The following OSBPL2 variants were observed in gnomAD, a reference collection of about 807,000 sequenced individuals.
OSBPL2 encodes oxysterol binding protein like 2.
In OSBPL2, 18 loss-of-function variants were observed where a neutral mutation model predicts 58.4. The ratio of observed to expected loss-of-function variants is 0.31; its 90% CI spans 0.21 to 0.46. The LOEUF (loss-of-function observed/expected upper bound fraction) is 0.46, where lower values mean the gene tolerates loss of function less well. OSBPL2 is among the 20% of genes least tolerant of loss of function. OSBPL2 has a pLI of 1.00. For synonymous variants in OSBPL2, 221 were observed against 234.1 expected (o/e 0.94, Z 0.51); for missense variants, 461 against 616.5 (o/e 0.75, Z 2.67).
intron 12 of OSBPL2, among the ~76,000 whole-genome samples, chr20:62,290,568 T>C (rs1983438719): frequency 6.8e-6 from 1 of 147,778 alleles, no homozygotes; most frequent in South Asian, 2.2e-4. Context: ...CAGGTGCCCC[T>C]GCCACCACGC....
chr20:62,282,155 C>T (rs1982836897), intron 9 of OSBPL2: 2 of 270,724 alleles, frequency 7.4e-6, no homozygotes, highest in African/African-American at 2.2e-5. Context: ...GAGAAGTCAG[C>T]TATTTCCACT....
chr20:62,263,791 C>G (rs376395418), intron 4 of OSBPL2, 100 bp downstream of exon 4: 3 of 1,074,024 alleles, frequency 2.8e-6, no homozygotes, highest in Non-Finnish European at 4.3e-6. Context: ...CTTGGCCGGG[C>G]GCGGTGGCTC....
chr20:62,280,738 C>T (rs1184413314), intron 7 of OSBPL2, among the ~76,000 whole-genome samples: 2 of 152,208 alleles, frequency 1.3e-5, no homozygotes, highest in South Asian at 2.1e-4. Flanking sequence ...GCATTACTGC[C>T]GTGTGTGTTT....
At chr20:62,280,001 C>T (rs983170282) in intron 7 of OSBPL2, 1 of 1,303,986 alleles carries the variant, frequency 7.7e-7, no homozygotes, top group African/African-American at 1.5e-5. Context: ...AAATGCTCCC[C>T]AATCCAGTGT....
At chr20:62,275,806 G>A (rs1982352991) in intron 6 of OSBPL2, among the ~76,000 whole-genome samples, 1 of 152,120 alleles carries the variant, frequency 6.6e-6, no homozygotes, top group South Asian at 2.1e-4. Context: ...ATGGTGTGCA[G>A]TGCAATGAAT....
At chr20:62,260,991 AAAAAT>A (rs1601165971) in intron 3 of OSBPL2, among the ~76,000 whole-genome samples, 1 of 151,608 alleles carries the variant, frequency 6.6e-6, no homozygotes, top group East Asian at 1.9e-4. Flanking sequence ...CCCTGGCTCA[AAAAAT>A]AAAGGGAAGA....
At chr20:62,247,883 T>A (rs1980240512) in intron 1 of OSBPL2, among the ~76,000 whole-genome samples, 1 of 151,926 alleles carries the variant, frequency 6.6e-6, no homozygotes, top group South Asian at 2.1e-4. Context: ...CAGGCTGGTC[T>A]CGAACTCCTG....
At position 62,259,961 on chromosome 20, in the gene OSBPL2, C is replaced by G; in HGVS notation, c.38-20C>G. The stretch of plus-strand genomic sequence containing the variant: ...ATCTTTCAGGTCCAGCGAAAATGAC[C>G]ATTTTCTTGTCTCGCACAGGCTTTG... On this transcript the variant is annotated intron_variant, in intron 2 of 13. Transcript: ENST00000313733. 1 of 1,604,084 alleles carries G rather than the reference C, an allele frequency of 6.2e-7. No homozygotes were observed. The highest frequency in any genetic ancestry group is 8.5e-7 in the Non-Finnish European group (1 of 1,176,526).
intron 1 of OSBPL2, among the ~76,000 whole-genome samples, chr20:62,245,294 A>C (rs1481601172): frequency 6.6e-6 from 1 of 152,050 alleles, no homozygotes; most frequent in Non-Finnish European, 1.5e-5. Flanking sequence ...GGGTTTTGCC[A>C]TGTTGCCCAG....
chr20:62,255,643 A>G (rs2145926869), intron 1 of OSBPL2, among the ~76,000 whole-genome samples: 1 of 152,284 alleles, frequency 6.6e-6, no homozygotes, highest in African/African-American at 2.4e-5. Context: ...AGCTGGGACT[A>G]TAGGCGTGCG....
rs1039284282 is a variant in OSBPL2 at position 62,294,609 on chromosome 20, C to T, written c.*722C>T. On this transcript the variant is annotated 3_prime_UTR_variant, in exon 14 of 14. Transcript: ENST00000313733. ...GTGGGCAGAAGCATCGAGAGCGTGA[C>T]AGGAAATCCCAAGACTGCTTCCGCC... is the stretch of plus-strand genomic sequence containing the variant. 1 of 152,474 alleles carries T rather than the reference C, an allele frequency of 6.6e-6. No individual in the cohort carries two copies. The highest frequency in any genetic ancestry group is 1.5e-5 in the Non-Finnish European group (1 of 68,088). The allele number at this position is 152,474 out of a possible 1,614,324, so 9.4% of individuals were successfully genotyped here.
Position 62,279,351 on chromosome 20 carries a change from T to C in OSBPL2, c.674+12T>C, listed in dbSNP as rs776927843. ...CTGGAGCTGCTCAAGTGAGTGTCGG[T>C]GCGTCCTGCTGAGATCCGCTTCCTG... is the stretch of plus-strand genomic sequence containing the variant. On this transcript the variant is annotated intron_variant, in intron 7 of 13. Coordinates refer to ENST00000313733, the MANE Select transcript of OSBPL2 (RefSeq NM_144498.4). 5.6e-6 allele frequency: 9 copies of C among 1,612,188 alleles called. No homozygotes were observed. In the South Asian group the frequency reaches 9.9e-5, roughly 18 times the overall value.
intron 2 of OSBPL2, among the ~76,000 whole-genome samples, chr20:62,258,532 C>T (rs1042988750): frequency 8.5e-5 from 13 of 152,212 alleles, no homozygotes; most frequent in African/African-American, 2.2e-4. Flanking sequence ...AGGGAGCCGA[C>T]GATAGGAGAT....
chr20:62,280,771 C>G (rs1026774780), intron 7 of OSBPL2, among the ~76,000 whole-genome samples: 1 of 152,236 alleles, frequency 6.6e-6, no homozygotes, highest in African/African-American at 2.4e-5. Context: ...TTTCTTTTGA[C>G]GACTTCACAG....
intron 4 of OSBPL2, 88 bp downstream of exon 4, chr20:62,263,779 C>CCCGGCCAAGAGCGCA: frequency 1.6e-6 from 2 of 1,252,062 alleles, no homozygotes; most frequent in Non-Finnish European, 2.3e-6. Flanking sequence ...AGAAAATGCG[C>CCCGGCCAAGAGCGCA]TCTTGGCCGG....
rs1451823805 is a variant in OSBPL2, at chr20:62,294,530, A to G, written c.*643A>G. The G allele has an allele frequency of 6.6e-6, 1 of 152,628 alleles. No individual in the cohort carries two copies. Among genetic ancestry groups the G allele is most frequent in the Non-Finnish European group, 1.5e-5 (1 of 68,058 alleles). The allele number at this position is 152,628 out of a possible 1,614,324, so 9.5% of individuals were successfully genotyped here. A position where few individuals can be genotyped will look rare whatever the true frequency, so the allele number is the denominator to read the frequency against. On this transcript the variant is annotated 3_prime_UTR_variant, in exon 14 of 14. Transcript: ENST00000313733. ...TATTTTGCTGAAGAGCAAGATATGC[A>G]TTAATCACCGGTTTTATACTGTCCA...
chr20:62,257,785 G>C (rs1395355337), intron 2 of OSBPL2, among the ~76,000 whole-genome samples: 1 of 150,882 alleles, frequency 6.6e-6, no homozygotes. Flanking sequence ...CGTGATCTCA[G>C]CTCACTGCAA....
At chr20:62,257,941 C>CT (rs1283625280) in intron 2 of OSBPL2, among the ~76,000 whole-genome samples, 2 of 152,290 alleles carry the variant, frequency 1.3e-5, no homozygotes, top group Non-Finnish European at 1.5e-5. Context: ...TCTCGAACTC[C>CT]TGACCTCAGG....
intron 3 of OSBPL2, 78 bp from the exon 4 acceptor site, chr20:62,263,537 CG>C (rs1165295934): frequency 6.3e-6 from 7 of 1,103,602 alleles, no homozygotes; most frequent in Non-Finnish European, 9.7e-6. Context: ...AAAGAGAAAT[CG>C]TCATTGAGCA....
Sources: gnomAD v4.1 joint callset for allele counts (sites outside exome capture counted in the v4.1 genomes callset) on GRCh38, gnomAD v4.1.1 for gene constraint, MANE v1.5 for transcripts, NCBI Gene and HGNC (gene_info 2026-07-23, HGNC 2026-07-21) for gene names.